The following SNTB1 variants were observed in gnomAD, a reference collection of about 807,000 sequenced individuals.
SNTB1 encodes the protein syntrophin beta 1.
A neutral mutation model predicts 48.9 loss-of-function variants in SNTB1; 36 were observed. The observed-to-expected ratio is 0.74, with a 90% CI of 0.56 to 0.97. The LOEUF (loss-of-function observed/expected upper bound fraction) is 0.97, where lower values mean the gene tolerates loss of function less well. SNTB1 is among the 50% of genes least tolerant of loss of function. SNTB1 has a pLI of 0.00. For missense variants in SNTB1, 786 were observed against 703.4 expected, an observed-to-expected ratio of 1.12 and a Z score of -1.33; for synonymous variants, 299 against 294.6, an observed-to-expected ratio of 1.01 and a Z score of -0.15.
intron 1 of SNTB1, among the ~76,000 whole-genome samples, chr8:120,709,831 T>C (rs1268525231): frequency 6.6e-6 from 1 of 152,096 alleles, no homozygotes; most frequent in Non-Finnish European, 1.5e-5. Flanking sequence ...ATTTCTTCTC[T>C]TGAAAAAGAA....
chr8:120,705,516 A>AT (rs1818366281), intron 1 of SNTB1, among the ~76,000 whole-genome samples: 1 of 152,220 alleles, frequency 6.6e-6, no homozygotes, highest in Non-Finnish European at 1.5e-5. Flanking sequence ...TGGGTTCAAT[A>AT]TAAGAAAAGA....
intron 2 of SNTB1, chr8:120,654,885 C>T (rs1189579550): frequency 4.7e-6 from 2 of 428,604 alleles, no homozygotes; most frequent in South Asian, 1.7e-5. Flanking sequence ...TGACCTTTCC[C>T]CTCCAAGTGA....
At chr8:120,738,550 TTCCTTC>T in intron 1 of SNTB1, among the ~76,000 whole-genome samples, 1 of 126,352 alleles carries the variant, frequency 7.9e-6, no homozygotes, top group East Asian at 6.9e-4. Flanking sequence ...CCTTCTTTCC[TTCCTTC>T]CTTCCTTCCT....
At chr8:120,780,933 T>C (rs2130128724) in intron 1 of SNTB1, among the ~76,000 whole-genome samples, 1 of 152,336 alleles carries the variant, frequency 6.6e-6, no homozygotes, top group East Asian at 1.9e-4. Flanking sequence ...CAGAAAAATA[T>C]AAGAGTAAAC....
At chr8:120,747,768 C>G (rs1241828546) in intron 1 of SNTB1, among the ~76,000 whole-genome samples, 1 of 152,060 alleles carries the variant, frequency 6.6e-6, no homozygotes. Flanking sequence ...AACAAATCAC[C>G]ATGACACAAG....
intron 1 of SNTB1, 79 bp from the exon 2 acceptor site, chr8:120,693,987 G>T: frequency 8.8e-7 from 1 of 1,137,832 alleles, no homozygotes; most frequent in Non-Finnish European, 1.3e-6. Flanking sequence ...TTCTGAAATA[G>T]ACTTGCTTTG....
At chr8:120,707,338 A>C (rs1432097415) in intron 1 of SNTB1, among the ~76,000 whole-genome samples, 1 of 152,160 alleles carries the variant, frequency 6.6e-6, no homozygotes, top group East Asian at 1.9e-4. Context: ...ATGGGACTTC[A>C]CTGCGCTTCT....
chr8:120,797,892 T>C (rs1478723511), intron 1 of SNTB1, among the ~76,000 whole-genome samples: 16 of 152,122 alleles, frequency 1.1e-4, no homozygotes, highest in African/African-American at 3.9e-4. Flanking sequence ...AGCTGGTTTG[T>C]ACACCTTTAT....
At chr8:120,588,137 GTTTGTGGGCTTCCTTGTCTACTTTCTCA>G (rs2130704024) in intron 3 of SNTB1, among the ~76,000 whole-genome samples, 1 of 152,274 alleles carries the variant, frequency 6.6e-6, no homozygotes, top group Non-Finnish European at 1.5e-5. Context: ...GGTGGGGTGT[GTTTGTGGGCTTCCTTGTCTACTTTCTCA>G]TTTTATTGTT....
At chr8:120,621,548 T>A (rs987149728) in intron 3 of SNTB1, among the ~76,000 whole-genome samples, 1 of 152,204 alleles carries the variant, frequency 6.6e-6, no homozygotes, top group Non-Finnish European at 1.5e-5. Flanking sequence ...AGTAGTAGGT[T>A]GGTGCAAAAG....
In SNTB1 at chr8:120,763,602, G is replaced by A. The variant is rs147654572; in HGVS notation, c.571+47671C>T. Among the ~76,000 whole-genome samples, 364 of 152,188 alleles carry A rather than the reference G, an allele frequency of 2.4e-3. 2 individuals are homozygous for A. Among genetic ancestry groups the A allele is most frequent in the Non-Finnish European group, 3.7e-3 (254 of 68,002 alleles). On this transcript the variant is annotated intron_variant, in intron 1 of 6. Transcript: ENST00000517992. ...ACATAACAGTTAAAAAATTTTTTCT[G>A]CATGAAAAATACCATAAACAAAGTA...
At chr8:120,633,097 C>T (rs1817010342) in intron 2 of SNTB1, among the ~76,000 whole-genome samples, 1 of 152,266 alleles carries the variant, frequency 6.6e-6, no homozygotes, top group South Asian at 2.1e-4. Context: ...TCCTGCTGCT[C>T]AGTGTTAATC....
In SNTB1 at chr8:120,759,335, C is replaced by A. The variant is rs557400324; in HGVS notation, c.571+51938G>T. ...GAGTTCACGATCAACCTAGAAATGTCCAAGCATTCTACCCTTTATAAATGT... is the reference window on the plus strand; with the variant it reads ...GAGTTCACGATCAACCTAGAAATGTACAAGCATTCTACCCTTTATAAATGT... On this transcript the variant is annotated intron_variant, in intron 1 of 6. Transcript: ENST00000517992. Among the ~76,000 whole-genome samples the A allele has an allele frequency of 2.6e-5, 4 of 152,276 alleles. No homozygotes were observed. The South Asian group carries it at 8.3e-4, about 32-fold the overall frequency.
chr8:120,634,980 T>G (rs1298815623), intron 2 of SNTB1, among the ~76,000 whole-genome samples: 2 of 151,948 alleles, frequency 1.3e-5, no homozygotes, highest in Non-Finnish European at 2.9e-5. Context: ...GCCTCCCGAG[T>G]AGCTGGGACC....
At chr8:120,635,902 C>A in intron 2 of SNTB1, 1 of 426,544 alleles carries the variant, frequency 2.3e-6, no homozygotes, top group South Asian at 2.2e-5. Flanking sequence ...GGCTGGTCAC[C>A]AAATTCTTTA....
Position 120,649,425 on chromosome 8 carries a change from C to T in SNTB1, c.789-16774G>A, listed in dbSNP as rs1463980053. Among the ~76,000 whole-genome samples the T allele has an allele frequency of 1.4e-4, 19 of 138,086 alleles. No individual in the cohort carries two copies. The South Asian group carries it at 1.8e-3, about 13-fold the overall frequency. 90.6% of individuals were successfully genotyped at this position (138,086 alleles called of 152,430 possible). A position where few individuals can be genotyped will look rare whatever the true frequency, so the allele number is the denominator to read the frequency against. On this transcript the variant is annotated intron_variant, in intron 2 of 6. Coordinates refer to ENST00000517992, the MANE Select transcript of SNTB1 (RefSeq NM_021021.4). The stretch of plus-strand genomic sequence containing the variant: ...CTGCAGGTCTGTTGGAGTACCCTGC[C>T]GTGTGAGGTGTCAGTGTGCCCCTGC...
rs570290425 is a variant in SNTB1 at position 120,599,372 on chromosome 8, G to A, written c.997-24147C>T. ...AATGATTACCTCCAGAAAATGTGAG[G>A]TTGACAAAATGACCTTGTGTGCACA... On this transcript the variant is annotated intron_variant, in intron 3 of 6. Coordinates refer to ENST00000517992, the MANE Select transcript of SNTB1 (RefSeq NM_021021.4). 2.6e-5 allele frequency among the ~76,000 whole-genome samples: 4 copies of A among 152,330 alleles called. No individual in the cohort carries two copies. In the East Asian group the frequency reaches 5.8e-4, roughly 22 times the overall value.
chr8:120,740,760 C>CTT (rs373414345), intron 1 of SNTB1, among the ~76,000 whole-genome samples: 3 of 148,606 alleles, frequency 2.0e-5, no homozygotes, highest in Admixed American at 2.0e-4. Flanking sequence ...TTTTCTTCTT[C>CTT]TTTTTTTTTT....
chr8:120,723,715 A>C (rs1818707720), intron 1 of SNTB1, among the ~76,000 whole-genome samples: 1 of 152,084 alleles, frequency 6.6e-6, no homozygotes, highest in Non-Finnish European at 1.5e-5. Flanking sequence ...GGCATACTTG[A>C]CCTCTCTCAA....
Sources: allele counts gnomAD v4.1 joint callset (sites outside exome capture counted in the v4.1 genomes callset), GRCh38; gene constraint gnomAD v4.1.1; transcripts MANE v1.5; gene names NCBI Gene and HGNC (gene_info 2026-07-23, HGNC 2026-07-21).